Variants in FBXO7 observed in about 807,000 individuals in gnomAD.
The protein encoded by FBXO7 is F-box only protein 7.
Under a neutral mutation model 50.2 loss-of-function variants are expected in FBXO7, and 31 were observed. That is an observed-to-expected ratio of 0.62 (90% CI 0.46 to 0.83). The LOEUF is 0.83. FBXO7 is among the 40% of genes least tolerant of loss of function. The pLI, the probability that FBXO7 is intolerant of heterozygous loss-of-function variation, is 0.00. For missense variants in FBXO7, 667 were observed against 646.6 expected (o/e 1.03, Z -0.34); for synonymous variants, 256 against 253.1 (o/e 1.01, Z -0.11).
intron 2 of FBXO7, among the ~76,000 whole-genome samples, chr22:32,483,277 A>G (rs991527938): frequency 6.6e-6 from 1 of 152,246 alleles, no homozygotes; most frequent in South Asian, 2.1e-4. Flanking sequence ...GGGTGAAGTT[A>G]GGTGGCTGCA....
intron 2 of FBXO7, among the ~76,000 whole-genome samples, chr22:32,481,421 A>G (rs1041558250): frequency 3.9e-5 from 6 of 152,202 alleles, no homozygotes; most frequent in Non-Finnish European, 8.8e-5. Flanking sequence ...AGCTTTTCAC[A>G]GTATTTGTGA....
In FBXO7 at chr22:32,487,818, A is replaced by G; in HGVS notation, c.861A>G (p.Lys287=). The change falls in exon 5 of 9, where the codon AAA becomes AAG. Residue 287 remains lysine, a synonymous_variant. Coordinates refer to ENST00000266087, the MANE Select transcript of FBXO7 (RefSeq NM_012179.4). ...TGCTACCAGAATCTTTTATTTGCAA[A>G]GAGAAACTAGGTAATACAAACATTA... The part of the protein sequence containing the change: ...LQLLPESFIC[K]EKLGENVANI... The G allele has an allele frequency of 6.3e-7, 1 of 1,592,752 alleles. No homozygotes were observed. The highest frequency in any genetic ancestry group is 1.3e-5 in the African/African-American group (1 of 74,618).
chr22:32,483,242 G>A (rs530303611), intron 2 of FBXO7, among the ~76,000 whole-genome samples: 1 of 152,204 alleles, frequency 6.6e-6, no homozygotes, highest in Non-Finnish European at 1.5e-5. Context: ...TATATAATGC[G>A]AATAGTGTAT....
chr22:32,495,381 T>TCC, intron 7 of FBXO7, 112 bp from the exon 8 acceptor site: 1 of 609,132 alleles, frequency 1.6e-6, no homozygotes. Context: ...TTTTTTTTTT[T>TCC]TTATGCTTAA....
intron 4 of FBXO7, 83 bp from the exon 5 acceptor site, chr22:32,487,662 G>C: frequency 1.2e-6 from 1 of 837,398 alleles, no homozygotes. Flanking sequence ...TTAGGAGCTA[G>C]GAAATGCAAG....
In FBXO7 at chr22:32,479,054, T is replaced by C. The variant is rs753046184; in HGVS notation, c.196T>C (p.Tyr66His). Residue 66 changes from tyrosine (Y) to histidine (H), a missense_variant, in exon 2 of 9, where the codon TAT (tyrosine) becomes CAT (histidine). Physicochemically the swap from Tyr to His is moderately conservative, Grantham distance 83 (BLOSUM62 2). Transcript: ENST00000266087. ...TGGAGATGAAGAGACCTTGGCTTCA[T>C]ATGGGATTGTTTCTGGGGACTTGAT... ...LTGDEETLAS[Y>H]GIVSGDLICL... The C allele has an allele frequency of 3.7e-6, 6 of 1,614,120 alleles. No homozygotes were observed. In the Admixed American group the frequency reaches 8.3e-5, roughly 22 times the overall value.
At chr22:32,484,980 A>C in intron 3 of FBXO7, 88 bp from the exon 4 acceptor site, 2 of 1,535,664 alleles carry the variant, frequency 1.3e-6, no homozygotes, top group South Asian at 2.3e-5. Flanking sequence ...TGATTATTTC[A>C]AACAAGTTAG....
At chr22:32,491,688 C>A (rs2057538258) in intron 6 of FBXO7, 1 of 150,938 alleles carries the variant, frequency 6.6e-6, no homozygotes, top group Non-Finnish European at 1.5e-5. Flanking sequence ...ATTGGAGGCT[C>A]TTTGCAGGCA....
Position 32,475,115 on chromosome 22 carries a change from G to T in FBXO7, c.113G>T (p.Trp38Leu). ...CTGAGGCAGTCCCTGCTGTGCACCT[G>T]GGGGTACAGGTACGCTGGGGCCGGG... is the stretch of plus-strand genomic sequence containing the variant. ...SHLRQSLLCT[W>L]GYSSNTRFTI... The change falls in exon 1 of 9, where the codon TGG becomes TTG. Residue 38 changes from tryptophan to leucine, a missense_variant. Trp to Leu is a moderately conservative substitution (Grantham distance 61, BLOSUM62 -2). Transcript: ENST00000266087. The T allele has an allele frequency of 7.1e-6, 11 of 1,544,490 alleles. No homozygotes were observed. Among genetic ancestry groups the T allele is most frequent in the South Asian group, 1.2e-5 (1 of 83,602 alleles).
chr22:32,483,841 T>C, intron 2 of FBXO7, 56 bp from the exon 3 acceptor site: 1 of 1,507,312 alleles, frequency 6.6e-7, no homozygotes, highest in Non-Finnish European at 9.2e-7. Context: ...GATACAAAAA[T>C]GTATAGTGTA....
Position 32,475,008 on chromosome 22 carries a change from G to A in FBXO7, c.6G>A (p.Arg2=), listed in dbSNP as rs1283115925. ...TCGGGCCGCCTGCCGCCGTCATGAG[G>A]CTGCGGGTGCGGCTTCTGAAGCGGA... is the stretch of plus-strand genomic sequence containing the variant. M[R]LRVRLLKRTW... Residue 2 remains arginine, a synonymous_variant, in exon 1 of 9, where the codon AGG becomes AGA. Transcript: ENST00000266087. The A allele has an allele frequency of 6.5e-7, 1 of 1,537,782 alleles. No individual in the cohort carries two copies. Among genetic ancestry groups the A allele is most frequent in the East Asian group, 2.5e-5 (1 of 40,426 alleles).
intron 5 of FBXO7, 75 bp downstream of exon 5, chr22:32,487,903 G>C: frequency 1.1e-6 from 1 of 934,704 alleles, no homozygotes; most frequent in Non-Finnish European, 1.7e-6. Context: ...GAAAGATAAT[G>C]TTCAAAAGAC....
At chr22:32,488,688 C>T (rs2057514939) in intron 5 of FBXO7, 2 of 152,160 alleles carry the variant, frequency 1.3e-5, no homozygotes, top group South Asian at 4.1e-4. Context: ...TTGTTCATTC[C>T]TAGGGGAGAT....
rs751665405 is a variant in FBXO7, at chr22:32,498,495, G to T, written c.1534G>T (p.Gly512Cys). The change falls in exon 9 of 9, where the codon GGT becomes TGT. Residue 512 changes from glycine (G) to cysteine (C), a missense_variant. Coordinates refer to ENST00000266087, the MANE Select transcript of FBXO7 (RefSeq NM_012179.4). ...CAGATTTCCCTTTAGACCCAGCAGG[G>T]GTCGGCCAACTGATGGCCGGCTGTC... ...NDRFPFRPSR[G>C]RPTDGRLSFM The T allele has an allele frequency of 3.1e-6, 5 of 1,613,046 alleles. No homozygotes were observed. The highest frequency in any genetic ancestry group is 4.2e-6 in the Non-Finnish European group (5 of 1,179,150).
At chr22:32,475,735 G>T in intron 1 of FBXO7, 1 of 304,614 alleles carries the variant, frequency 3.3e-6, no homozygotes, top group South Asian at 5.8e-5. Context: ...TTTTAGAAAG[G>T]ACAGCGTGTA....
At chr22:32,495,102 A>G (rs2057564115) in intron 7 of FBXO7, among the ~76,000 whole-genome samples, 1 of 152,228 alleles carries the variant, frequency 6.6e-6, no homozygotes, top group Non-Finnish European at 1.5e-5. Flanking sequence ...AGAAGCTCAG[A>G]GGTTGTTGCC....
chr22:32,476,882 A>AAT (rs1314120839), intron 1 of FBXO7, among the ~76,000 whole-genome samples: 1 of 152,216 alleles, frequency 6.6e-6, no homozygotes, highest in African/African-American at 2.4e-5. Flanking sequence ...TTACTTTAGA[A>AAT]ATAGCTTTTC....
At position 32,498,629 on chromosome 22, in the gene FBXO7, T is replaced by C. The variant is rs904545464; in HGVS notation, c.*99T>C. The C allele has an allele frequency of 2.1e-6, 3 of 1,425,982 alleles. No individual in the cohort carries two copies. Among genetic ancestry groups the C allele is most frequent in the Admixed American group, 3.9e-5 (2 of 50,986 alleles). The allele number at this position is 1,425,982 out of a possible 1,614,324, so 88.3% of individuals were successfully genotyped here. A position where few individuals can be genotyped will look rare whatever the true frequency, so the allele number is the denominator to read the frequency against. The stretch of plus-strand genomic sequence containing the variant: ...CTGATCTCGAGTGTTATTTTCTGAT[T>C]GTGGTGTTGAGAGTTGCACTCCCAG... On this transcript the variant is annotated 3_prime_UTR_variant, in exon 9 of 9. Coordinates refer to ENST00000266087, the MANE Select transcript of FBXO7 (RefSeq NM_012179.4).
chr22:32,490,184 A>C (rs2057525274), intron 5 of FBXO7: 1 of 152,240 alleles, frequency 6.6e-6, no homozygotes, highest in South Asian at 2.1e-4. Context: ...TACCCTAGGC[A>C]CTGCTCGTGG....
Sources: allele counts gnomAD v4.1 joint callset (sites outside exome capture counted in the v4.1 genomes callset), GRCh38; gene constraint gnomAD v4.1.1; transcripts MANE v1.5; gene names NCBI Gene and HGNC (gene_info 2026-07-23, HGNC 2026-07-21).